The following CERS4 variants were observed in gnomAD, a reference collection of about 807,000 sequenced individuals.
CERS4 encodes the protein LAG1 homolog, ceramide synthase 4.
A neutral mutation model predicts 51.8 loss-of-function variants in CERS4; 65 were observed. The observed-to-expected ratio is 1.26, with a 90% CI of 1.03 to 1.54. The LOEUF is 1.54. Ranked by LOEUF, CERS4 falls within the 40% of genes most tolerant of loss-of-function variation. The probability of loss-of-function intolerance (pLI) is 0.00; values close to 1 mark genes in which losing one functional copy is unlikely to be tolerated. For synonymous variants in CERS4, 228 were observed against 208.4 expected (o/e 1.09, Z -0.81); for missense variants, 563 against 500.4 (o/e 1.13, Z -1.19).
At chr19:8,238,076 G>T (rs1968354370) in intron 2 of CERS4, among the ~76,000 whole-genome samples, 1 of 151,862 alleles carries the variant, frequency 6.6e-6, no homozygotes, top group Non-Finnish European at 1.5e-5. Context: ...CCACCTCTGG[G>T]GCTGGGGACT....
chr19:8,257,376 G>T (rs150235128), intron 9 of CERS4, among the ~76,000 whole-genome samples: 2 of 152,090 alleles, frequency 1.3e-5, no homozygotes, highest in East Asian at 3.9e-4. Context: ...ATAAAGCCCT[G>T]CCCCTCTCAG....
At chr19:8,221,723 C>T (rs1384537641) in intron 2 of CERS4, among the ~76,000 whole-genome samples, 1 of 150,390 alleles carries the variant, frequency 6.6e-6, no homozygotes, top group Non-Finnish European at 1.5e-5. Flanking sequence ...TTAGTAGAGA[C>T]GAGGCTTCAC....
intron 2 of CERS4, among the ~76,000 whole-genome samples, chr19:8,232,449 C>T (rs1329054076): frequency 6.6e-6 from 1 of 151,994 alleles, no homozygotes; most frequent in Non-Finnish European, 1.5e-5. Context: ...TGCCACCACA[C>T]CCGGCAATTT....
intron 2 of CERS4, among the ~76,000 whole-genome samples, chr19:8,237,078 C>G (rs1968301388): frequency 6.6e-6 from 1 of 150,764 alleles, no homozygotes; most frequent in Admixed American, 6.6e-5. Flanking sequence ...TGCAAGTCAC[C>G]TTGCTGTTAG....
intron 2 of CERS4, among the ~76,000 whole-genome samples, chr19:8,220,711 G>T (rs1967496143): frequency 6.6e-6 from 1 of 152,200 alleles, no homozygotes; most frequent in Non-Finnish European, 1.5e-5. Context: ...ACCTCCAAGG[G>T]CAGCCTGTGT....
intron 2 of CERS4, 94 bp from the exon 3 acceptor site, chr19:8,250,982 G>A (rs546658356): frequency 2.7e-5 from 40 of 1,490,326 alleles, no homozygotes; most frequent in Middle Eastern, 1.9e-4. Context: ...ATAGGGGCCC[G>A]AGTAGGAGTT....
intron 2 of CERS4, among the ~76,000 whole-genome samples, chr19:8,245,900 G>GAAAA (rs1308641842): frequency 7.6e-5 from 1 of 13,116 alleles, no homozygotes; most frequent in Non-Finnish European, 1.7e-4. Flanking sequence ...AAGCTTTGAT[G>GAAAA]ACAAAAAAAA....
chr19:8,231,343 T>A (rs1056972518), intron 2 of CERS4, among the ~76,000 whole-genome samples: 2 of 151,870 alleles, frequency 1.3e-5, no homozygotes, highest in Non-Finnish European at 2.9e-5. Context: ...AATTTAACTA[T>A]TTTTTTATCA....
intron 2 of CERS4, chr19:8,214,675 G>A (rs183959480): frequency 6.6e-5 from 10 of 152,470 alleles, no homozygotes; most frequent in Admixed American, 2.0e-4. Context: ...GCTTTTGCAC[G>A]GTTACTTTGT....
intron 2 of CERS4, among the ~76,000 whole-genome samples, chr19:8,225,640 TCTCGAA>T (rs1967755595): frequency 6.6e-6 from 1 of 151,482 alleles, no homozygotes; most frequent in South Asian, 2.1e-4. Context: ...GCCAGGCTGG[TCTCGAA>T]CTCCTGACCT....
At chr19:8,261,311 A>C in intron 10 of CERS4, 1 of 199,188 alleles carries the variant, frequency 5.0e-6, no homozygotes. Flanking sequence ...TGCCTTCCTG[A>C]CATGAAGCCC....
intron 3 of CERS4, among the ~76,000 whole-genome samples, chr19:8,253,449 C>CT (rs35212733): frequency 0.12 from 8,960 of 73,614 alleles, 205 homozygotes; most frequent in African/African-American, 0.2. Flanking sequence ...GTCCAGCTGC[C>CT]TTTTTTTTTT....
intron 2 of CERS4, among the ~76,000 whole-genome samples, chr19:8,236,680 T>TAAAAAA (rs59164781): frequency 6.5e-5 from 8 of 122,358 alleles, no homozygotes; most frequent in African/African-American, 2.7e-4. Context: ...CCCTGTCTTC[T>TAAAAAA]AAAAAAAAAA....
At position 8,254,228 on chromosome 19, in the gene CERS4, C is replaced by G. The variant is rs533093615; in HGVS notation, c.174-271C>G. ...GTCCCAGCTACTCGGGAGGCTGAGG[C>G]AGGAGAATGGCGTGAACCCGGGAGG... On this transcript the variant is annotated intron_variant, in intron 3 of 11. Transcript: ENST00000251363. Among the ~76,000 whole-genome samples the G allele has an allele frequency of 6.4e-3, 919 of 143,094 alleles. 14 individuals are homozygous for G. Among genetic ancestry groups the G allele is most frequent in the African/African-American group, 0.022 (844 of 39,208 alleles). 93.9% of individuals were successfully genotyped at this position (143,094 alleles called of 152,430 possible). A position where few individuals can be genotyped will look rare whatever the true frequency, so the allele number is the denominator to read the frequency against.
intron 2 of CERS4, among the ~76,000 whole-genome samples, chr19:8,234,820 C>T (rs567089130): frequency 6.6e-6 from 1 of 151,726 alleles, no homozygotes; most frequent in African/African-American, 2.4e-5. Flanking sequence ...TCTCATAGTG[C>T]TGGGATTACA....
intron 2 of CERS4, among the ~76,000 whole-genome samples, chr19:8,212,004 A>G (rs1432720679): frequency 6.6e-6 from 1 of 151,760 alleles, no homozygotes. Flanking sequence ...GGAGGAGGTG[A>G]CAGTTGGCTG....
intron 2 of CERS4, among the ~76,000 whole-genome samples, chr19:8,233,101 C>A (rs924134588): frequency 1.3e-5 from 2 of 151,664 alleles, no homozygotes; most frequent in Non-Finnish European, 2.9e-5. Context: ...AGCCTGGTCT[C>A]AAATTCCTGG....
At chr19:8,231,851 A>ATTT (rs3042169) in intron 2 of CERS4, among the ~76,000 whole-genome samples, 2,252 of 104,336 alleles carry the variant, frequency 0.022, 112 homozygotes, top group Admixed American at 0.064. Flanking sequence ...TGTGCCCAGC[A>ATTT]TTTTTTTTTT....
At position 8,241,979 on chromosome 19, in the gene CERS4, T is replaced by G. The variant is rs548408939; in HGVS notation, c.-1-9097T>G. Among the ~76,000 whole-genome samples, 7 of 152,236 alleles carry G rather than the reference T, an allele frequency of 4.6e-5. No individual in the cohort carries two copies. In the South Asian group the frequency reaches 1.5e-3, roughly 32 times the overall value. On this transcript the variant is annotated intron_variant, in intron 2 of 11. Coordinates refer to ENST00000251363, the MANE Select transcript of CERS4 (RefSeq NM_024552.3). ...CATCCCTCAGCCTCATTTCCTCCCT[T>G]CCCTCAGGAGAAGTTGAGCCTTGCT... is the stretch of plus-strand genomic sequence containing the variant.
Sources: allele counts gnomAD v4.1 joint callset (sites outside exome capture counted in the v4.1 genomes callset), GRCh38; gene constraint gnomAD v4.1.1; transcripts MANE v1.5; gene names NCBI Gene and HGNC (gene_info 2026-07-23, HGNC 2026-07-21).